CAMK1D: variants seen among roughly 807,000 people sequenced by gnomAD.
CAMK1D encodes the protein calcium/calmodulin dependent protein kinase ID, also known as calcium/calmodulin-dependent protein kinase type 1D.
A neutral mutation model predicts 47.7 loss-of-function variants in CAMK1D; 9 were observed. The observed-to-expected ratio is 0.19, with a 90% CI of 0.11 to 0.33. The LOEUF (loss-of-function observed/expected upper bound fraction) is 0.33. Ranked by LOEUF, CAMK1D falls within the 10% of genes least tolerant of loss-of-function variation. The pLI, the probability that CAMK1D is intolerant of heterozygous loss-of-function variation, is 1.00. For missense variants in CAMK1D, 291 were observed against 488.7 expected (o/e 0.60, Z 3.81); for synonymous variants, 184 against 184.9 (o/e 0.99, Z 0.04).
intron 6 of CAMK1D, among the ~76,000 whole-genome samples, chr10:12,799,846 T>C (rs1458422175): frequency 6.6e-6 from 1 of 152,204 alleles, no homozygotes; most frequent in Non-Finnish European, 1.5e-5. Context: ...CTAGTCATGC[T>C]TGGGGATGTG....
intron 5 of CAMK1D, among the ~76,000 whole-genome samples, chr10:12,779,172 C>G (rs910575011): frequency 6.6e-6 from 1 of 152,220 alleles, no homozygotes; most frequent in African/African-American, 2.4e-5. Context: ...CATGGTGGCT[C>G]TCAATATGGT....
intron 1 of CAMK1D, among the ~76,000 whole-genome samples, chr10:12,549,914 C>G (rs1255854762): frequency 6.6e-6 from 1 of 152,198 alleles, no homozygotes; most frequent in Non-Finnish European, 1.5e-5. Flanking sequence ...CTGCGGCAAC[C>G]TCGCTTCTCA....
intron 3 of CAMK1D, among the ~76,000 whole-genome samples, chr10:12,681,514 C>G (rs1170522449): frequency 6.6e-6 from 1 of 152,288 alleles, no homozygotes; most frequent in Non-Finnish European, 1.5e-5. Context: ...GGATGAGTGG[C>G]AGCTGCTGAA....
chr10:12,801,295 GTGTATC>G (rs1838425841), intron 6 of CAMK1D, among the ~76,000 whole-genome samples: 6 of 108,856 alleles, frequency 5.5e-5, no homozygotes, highest in African/African-American at 1.9e-4. Flanking sequence ...CTGTCTGTGT[GTGTATC>G]TATCTATCTA....
intron 2 of CAMK1D, among the ~76,000 whole-genome samples, chr10:12,556,833 C>T (rs1836776818): frequency 6.6e-6 from 1 of 152,072 alleles, no homozygotes; most frequent in African/African-American, 2.4e-5. Context: ...ACTGGGGGGC[C>T]AGGACTCTAT....
At chr10:12,391,226 G>T (rs751030787) in intron 1 of CAMK1D, among the ~76,000 whole-genome samples, 2 of 152,258 alleles carry the variant, frequency 1.3e-5, no homozygotes, top group African/African-American at 2.4e-5. Flanking sequence ...CTTCAAGCTC[G>T]TGTGGGGCCC....
intron 2 of CAMK1D, among the ~76,000 whole-genome samples, chr10:12,579,317 T>C (rs2132334016): frequency 6.6e-6 from 1 of 152,348 alleles, no homozygotes; most frequent in African/African-American, 2.4e-5. Context: ...TTCCTTCTTC[T>C]GAATCCTGTG....
At chr10:12,563,106 C>T (rs10906173) in intron 2 of CAMK1D, among the ~76,000 whole-genome samples, 48,728 of 152,174 alleles carry the variant, frequency 0.32, 8,731 homozygotes, top group Non-Finnish European at 0.41. Flanking sequence ...ACTGGAGACC[C>T]GGGAAAGCCA....
chr10:12,489,725 C>T (rs1026618529), intron 1 of CAMK1D, among the ~76,000 whole-genome samples: 15 of 152,152 alleles, frequency 9.9e-5, no homozygotes, highest in East Asian at 1.9e-4. Flanking sequence ...TTATGCTGGA[C>T]GAGCCCTTTC....
intron 1 of CAMK1D, among the ~76,000 whole-genome samples, chr10:12,408,848 CTTTTT>C (rs113921067): frequency 1.8e-4 from 22 of 121,848 alleles, no homozygotes; most frequent in East Asian, 2.3e-4. Flanking sequence ...TTCTTTCTTT[CTTTTT>C]TTTTTTTTTT....
chr10:12,405,968 G>A (rs552313050), intron 1 of CAMK1D, among the ~76,000 whole-genome samples: 2 of 152,344 alleles, frequency 1.3e-5, no homozygotes, highest in African/African-American at 2.4e-5. Context: ...GCAAATGCGA[G>A]CATCTGATTT....
intron 2 of CAMK1D, among the ~76,000 whole-genome samples, chr10:12,577,676 C>G (rs997571709): frequency 1.3e-5 from 2 of 152,162 alleles, no homozygotes; most frequent in African/African-American, 4.8e-5. Flanking sequence ...ACTCCCTCTT[C>G]CTGCTACAGA....
chr10:12,601,940 T>C (rs557223637), intron 2 of CAMK1D, among the ~76,000 whole-genome samples: 32 of 152,358 alleles, frequency 2.1e-4, no homozygotes, highest in African/African-American at 7.0e-4. Context: ...AAGCCCCCTC[T>C]ACCTGTGTGT....
chr10:12,450,762 T>G (rs1252488349), intron 1 of CAMK1D, among the ~76,000 whole-genome samples: 1 of 152,210 alleles, frequency 6.6e-6, no homozygotes, highest in Non-Finnish European at 1.5e-5. Context: ...TTTTGTTTTG[T>G]TATTTGAGAC....
At chr10:12,357,845 G>GT (rs1299856050) in intron 1 of CAMK1D, among the ~76,000 whole-genome samples, 4 of 151,966 alleles carry the variant, frequency 2.6e-5, no homozygotes, top group Admixed American at 2.0e-4. Flanking sequence ...CTCCGGGGTA[G>GT]TTTTTTATTA....
chr10:12,479,879 C>T (rs1451457712), intron 1 of CAMK1D, among the ~76,000 whole-genome samples: 1 of 152,194 alleles, frequency 6.6e-6, no homozygotes, highest in Non-Finnish European at 1.5e-5. Flanking sequence ...ACGCAGTCTG[C>T]TGCTTATTAT....
Position 12,825,675 on chromosome 10 carries a change from G to A in CAMK1D, c.1024G>A (p.Ala342Thr). The change falls in exon 10 of 11, where the codon GCC (alanine) becomes ACC (threonine). Residue 342 changes from alanine (A) to threonine (T), a missense_variant. Around this residue, in one of 2 missense-constraint regions of CAMK1D, gnomAD observed 72 missense variants for 64.4 expected, o/e 1.12. Transcript: ENST00000619168. ...AAGTGTTTCGAGCAGCCTCAGTTTG[G>A]CCAGCCAAAAAGACTGTGCGTATGT... ...NASVSSSLSL[A>T]SQKDCLAPST... 1.2e-6 allele frequency: 2 copies of A among 1,614,222 alleles called. No homozygotes were observed. The highest frequency in any genetic ancestry group is 1.7e-6 in the Non-Finnish European group (2 of 1,180,046).
chr10:12,773,009 T>TA (rs1277663379), intron 5 of CAMK1D, among the ~76,000 whole-genome samples: 1 of 152,226 alleles, frequency 6.6e-6, no homozygotes, highest in African/African-American at 2.4e-5. Flanking sequence ...ATTTAAATGT[T>TA]ACCTCCTTTG....
At chr10:12,806,733 C>A (rs567675920) in intron 6 of CAMK1D, among the ~76,000 whole-genome samples, 2 of 152,274 alleles carry the variant, frequency 1.3e-5, no homozygotes, top group South Asian at 4.1e-4. Flanking sequence ...TGATTTTTGT[C>A]CATGCCAGGG....
Sources: gnomAD v4.1 joint callset for allele counts (sites outside exome capture counted in the v4.1 genomes callset) on GRCh38, gnomAD v4.1.1 for gene constraint, gnomAD v4.1.1 regional missense constraint, MANE v1.5 for transcripts, NCBI Gene and HGNC (gene_info 2026-07-23, HGNC 2026-07-21) for gene names.